Variants in SMARCC1 observed in about 807,000 individuals in gnomAD.
SMARCC1 encodes the protein SWI/SNF complex subunit SMARCC1.
In SMARCC1, 43 loss-of-function variants were observed where a neutral mutation model predicts 147.4. That is an observed-to-expected ratio of 0.29 (90% CI 0.23 to 0.38). SMARCC1 has a LOEUF of 0.38. Among genes scored for constraint, SMARCC1 ranks in the 10% least tolerant of loss-of-function variants. The probability of loss-of-function intolerance (pLI) is 1.00; values close to 1 mark genes in which losing one functional copy is unlikely to be tolerated. For synonymous variants in SMARCC1, 495 were observed against 484.4 expected (o/e 1.02, Z -0.29); for missense variants, 1,119 against 1,381.1 (o/e 0.81, Z 3.01).
At chr3:47,780,554 C>A (rs1405927234) in intron 1 of SMARCC1, among the ~76,000 whole-genome samples, 1 of 151,600 alleles carries the variant, frequency 6.6e-6, no homozygotes, top group Non-Finnish European at 1.5e-5. Context: ...CTGCTGAGGC[C>A]AAAAAAATAG....
chr3:47,757,107 C>T (rs1272339351), intron 2 of SMARCC1, among the ~76,000 whole-genome samples: 1 of 151,888 alleles, frequency 6.6e-6, no homozygotes. Flanking sequence ...AAAAATTATC[C>T]GGGTGTGGTG....
At chr3:47,730,992 G>A (rs2034367279) in intron 5 of SMARCC1, among the ~76,000 whole-genome samples, 1 of 152,170 alleles carries the variant, frequency 6.6e-6, no homozygotes, top group African/African-American at 2.4e-5. Flanking sequence ...TGAAGGTTAA[G>A]GTGGCTGTGG....
chr3:47,613,745 C>T (rs967325511), intron 25 of SMARCC1, among the ~76,000 whole-genome samples: 2 of 152,142 alleles, frequency 1.3e-5, no homozygotes, highest in African/African-American at 4.8e-5. Context: ...GTTTTTCATA[C>T]AAGGCTGCCT....
intron 13 of SMARCC1, among the ~76,000 whole-genome samples, chr3:47,686,991 AT>A (rs2033733652): frequency 6.6e-6 from 1 of 152,204 alleles, no homozygotes; most frequent in Non-Finnish European, 1.5e-5. Flanking sequence ...TCAAAAAAAA[AT>A]AAAATAAGCA....
intron 26 of SMARCC1, chr3:47,603,921 T>C: frequency 2.4e-6 from 1 of 410,530 alleles, no homozygotes. Flanking sequence ...CTACCAAAAG[T>C]TGGAGTTATC....
Position 47,651,135 on chromosome 3 carries a change from C to T in SMARCC1, c.2320+10159G>A, listed in dbSNP as rs1005730338. On this transcript the variant is annotated intron_variant, in intron 21 of 27. Coordinates refer to ENST00000254480, the MANE Select transcript of SMARCC1 (RefSeq NM_003074.4). ...GCCTAAGCAACATGGCGAAACCCTG[C>T]CTCTATAAAAAACACACAAAAATCA... Among the ~76,000 whole-genome samples the T allele has an allele frequency of 3.9e-5, 6 of 151,946 alleles. No individual in the cohort carries two copies. In the South Asian group the frequency reaches 1.2e-3, roughly 32 times the overall value.
chr3:47,585,527 A>G lies in SMARCC1; in HGVS notation c.*2682T>C, dbSNP rs893137526. The G allele has an allele frequency of 8.5e-5, 13 of 152,160 alleles. No individual in the cohort carries two copies. The highest frequency in any genetic ancestry group is 2.9e-4 in the African/African-American group (12 of 41,440). 9.4% of individuals were successfully genotyped at this position (152,160 alleles called of 1,614,324 possible). Reference sequence around the variant, plus strand: ...TGTGAGTACCCAAAAGCTGTCCCCCAAGGTTCACAGAATCTTCTGCCCTCA... The same window carrying G: ...TGTGAGTACCCAAAAGCTGTCCCCCGAGGTTCACAGAATCTTCTGCCCTCA... On this transcript the variant is annotated 3_prime_UTR_variant, in exon 28 of 28. Coordinates refer to ENST00000254480, the MANE Select transcript of SMARCC1 (RefSeq NM_003074.4).
rs780103236 is a variant in SMARCC1 at position 47,678,303 on chromosome 3, G to A, written c.1466C>T (p.Ala489Val). 4 of 1,572,222 alleles carry A rather than the reference G, an allele frequency of 2.5e-6. No individual in the cohort carries two copies. Among genetic ancestry groups the A allele is most frequent in the Non-Finnish European group, 2.6e-6 (3 of 1,153,368 alleles). Residue 489 changes from alanine to valine, a missense_variant, in exon 16 of 28, where the codon GCA becomes GTA. This residue lies in a region of SMARCC1 where 542 missense variants were observed against 611.8 expected (regional missense o/e 0.89). Transcript: ENST00000254480. ...NKSKTPEIYL[A>V]YRNFMIDTYR... The stretch of plus-strand genomic sequence containing the variant: ...CGTGTCAATCATAAAATTTCGATAT[G>A]CCAAGTATCTAAAAAGCAATGGCAA...
intron 24 of SMARCC1, among the ~76,000 whole-genome samples, chr3:47,627,109 T>C (rs971651795): frequency 6.6e-6 from 1 of 152,194 alleles, no homozygotes; most frequent in African/African-American, 2.4e-5. Flanking sequence ...TATTGTAAAA[T>C]AATTTGGTAT....
In SMARCC1 at chr3:47,622,244, T is replaced by C. The variant is rs968494064; in HGVS notation, c.2744A>G (p.Glu915Gly). 2 of 1,604,032 alleles carry C rather than the reference T, an allele frequency of 1.2e-6. No individual in the cohort carries two copies. Among genetic ancestry groups the C allele is most frequent in the African/African-American group, 2.7e-5 (2 of 74,078 alleles). The change falls in exon 25 of 28, where the codon GAA (glutamate) becomes GGA (glycine). Residue 915 changes from glutamate (E) to glycine (G), a missense_variant. By Grantham distance (98) the Glu-to-Gly change is moderately conservative. This residue lies in a region of SMARCC1 where 42 missense variants were observed against 89.4 expected (regional missense o/e 0.47). Transcript: ENST00000254480. ...TCTGTCCATGATAGTTTCCAGCTCT[T>C]CAAAATGTCGAAGTTTGATCTCTAG... ...KKLEIKLRHF[E>G]ELETIMDREK... is the part of the protein sequence containing the mutation.
At chr3:47,736,198 C>A in intron 4 of SMARCC1, 72 bp from the exon 5 acceptor site, 1 of 783,216 alleles carries the variant, frequency 1.3e-6, no homozygotes, top group East Asian at 3.0e-5. Context: ...ATGCAATATA[C>A]AAACCACCCC....
At chr3:47,723,009 C>T (rs942511728) in intron 6 of SMARCC1, among the ~76,000 whole-genome samples, 2 of 152,124 alleles carry the variant, frequency 1.3e-5, no homozygotes, top group East Asian at 3.9e-4. Flanking sequence ...TCTCTAATTG[C>T]CTGGTACCTC....
At chr3:47,635,510 G>A (rs567412253) in intron 23 of SMARCC1, among the ~76,000 whole-genome samples, 166 bp from the exon 24 acceptor site, 1 of 152,230 alleles carries the variant, frequency 6.6e-6, no homozygotes, top group East Asian at 1.9e-4. Flanking sequence ...ATTTAGGTTT[G>A]CCTCTATTGG....
rs369328193 is a variant in SMARCC1, at chr3:47,733,074, T to G, written c.576+2960A>C. On this transcript the variant is annotated intron_variant, in intron 5 of 27. Transcript: ENST00000254480. The stretch of plus-strand genomic sequence containing the variant: ...GTGAGCCGAGATCACACCACTGCGC[T>G]CCAGCTGGGCGACAGAGAAAGACTT... 1.2e-4 allele frequency among the ~76,000 whole-genome samples: 18 copies of G among 151,692 alleles called. No individual in the cohort carries two copies. In the East Asian group the frequency reaches 1.6e-3, roughly 13 times the overall value.
In SMARCC1 at chr3:47,684,183, T is replaced by G. The variant is rs1042663419; in HGVS notation, c.1385+1866A>C. Among the ~76,000 whole-genome samples, 85 of 138,654 alleles carry G rather than the reference T, an allele frequency of 6.1e-4. 1 individual carries two copies. The highest frequency in any genetic ancestry group is 4.8e-3 in the East Asian group (22 of 4,630). The allele number at this position is 138,654 out of a possible 152,430, so 91.0% of individuals were successfully genotyped here. On this transcript the variant is annotated intron_variant, in intron 14 of 27. Transcript: ENST00000254480. ...TGAACCCGGGAGGCGGAGCTTGCAG[T>G]GAGCCGAGATCCCGCCACTGCAGTC...
intron 13 of SMARCC1, among the ~76,000 whole-genome samples, chr3:47,688,700 A>T (rs2033758848): frequency 6.6e-6 from 1 of 152,232 alleles, no homozygotes; most frequent in Non-Finnish European, 1.5e-5. Context: ...GTATGATTCA[A>T]AGTCTACACT....
intron 1 of SMARCC1, among the ~76,000 whole-genome samples, chr3:47,774,003 G>A (rs928057791): frequency 5.9e-5 from 9 of 152,000 alleles, no homozygotes; most frequent in African/African-American, 1.9e-4. Context: ...TTGGACGAGA[G>A]AATTTTTATT....
chr3:47,650,302 ATT>A (rs1339824007), intron 21 of SMARCC1, among the ~76,000 whole-genome samples: 25 of 145,146 alleles, frequency 1.7e-4, no homozygotes, highest in African/African-American at 5.3e-4. Flanking sequence ...AATAATAATT[ATT>A]ATTATTATTA....
chr3:47,592,840 GAC>G (rs2032207757), intron 26 of SMARCC1, among the ~76,000 whole-genome samples: 1 of 121,734 alleles, frequency 8.2e-6, no homozygotes, highest in African/African-American at 3.0e-5. Context: ...TTTTTTTTGA[GAC>G]AGAGTCTAGC....
Sources: allele counts gnomAD v4.1 joint callset (sites outside exome capture counted in the v4.1 genomes callset), GRCh38; gene constraint gnomAD v4.1.1; regional missense constraint gnomAD v4.1.1; transcripts MANE v1.5; gene names NCBI Gene and HGNC (gene_info 2026-07-23, HGNC 2026-07-21).